The following PDSS2 variants were observed in gnomAD, a reference collection of about 807,000 sequenced individuals.
The protein encoded by PDSS2 is decaprenyl diphosphate synthase subunit 2, also known as all trans-polyprenyl-diphosphate synthase PDSS2.
In PDSS2, 31 loss-of-function variants were observed where a neutral mutation model predicts 44.5. That is an observed-to-expected ratio of 0.70 (90% CI 0.52 to 0.94). The LOEUF (loss-of-function observed/expected upper bound fraction) is 0.94. Among genes scored for constraint, PDSS2 ranks in the 40% least tolerant of loss-of-function variants. PDSS2 has a pLI of 0.00. For missense variants in PDSS2, 452 were observed against 482.2 expected (o/e 0.94, Z 0.59); for synonymous variants, 157 against 180.3 (o/e 0.87, Z 1.03).
intron 2 of PDSS2, among the ~76,000 whole-genome samples, chr6:107,323,186 AG>A (rs1290894120): frequency 6.6e-6 from 1 of 152,208 alleles, no homozygotes; most frequent in East Asian, 1.9e-4. Flanking sequence ...AAATAGCTCT[AG>A]TAGTTAAGTT....
At chr6:107,364,173 T>A (rs898473215) in intron 1 of PDSS2, among the ~76,000 whole-genome samples, 17 of 152,232 alleles carry the variant, frequency 1.1e-4, no homozygotes, top group African/African-American at 4.1e-4. Context: ...GGAGCCCAGC[T>A]GGCTTCACCT....
intron 1 of PDSS2, among the ~76,000 whole-genome samples, chr6:107,382,509 G>C (rs1379838241): frequency 6.6e-6 from 1 of 152,146 alleles, no homozygotes; most frequent in African/African-American, 2.4e-5. Context: ...CAGACAAACA[G>C]ATCAACAGAA....
chr6:107,213,024 A>G (rs1773280683), intron 4 of PDSS2, among the ~76,000 whole-genome samples: 1 of 151,654 alleles, frequency 6.6e-6, no homozygotes, highest in Non-Finnish European at 1.5e-5. Context: ...CCCTCTTTTT[A>G]TTTGAGACAG....
intron 7 of PDSS2, among the ~76,000 whole-genome samples, chr6:107,155,235 T>A (rs782390298): frequency 8.6e-5 from 13 of 150,648 alleles, no homozygotes; most frequent in Non-Finnish European, 1.6e-4. Flanking sequence ...AACCTCCGCC[T>A]CCTGGGTTTA....
intron 2 of PDSS2, among the ~76,000 whole-genome samples, chr6:107,297,057 T>C (rs1478661265): frequency 6.6e-6 from 1 of 152,090 alleles, no homozygotes; most frequent in East Asian, 1.9e-4. Context: ...ATGGTCTAGA[T>C]CTGGGAAGGG....
At chr6:107,201,356 A>G (rs1439233226) in intron 6 of PDSS2, among the ~76,000 whole-genome samples, 2 of 141,758 alleles carry the variant, frequency 1.4e-5, no homozygotes, top group Non-Finnish European at 3.1e-5. Context: ...GGACAGCTAT[A>G]GTGAACACTG....
At chr6:107,176,024 T>C (rs1180954686) in intron 7 of PDSS2, among the ~76,000 whole-genome samples, 1 of 151,982 alleles carries the variant, frequency 6.6e-6, no homozygotes, top group East Asian at 1.9e-4. Context: ...CCCAGGTTAT[T>C]TTCACTGCTT....
chr6:107,331,289 T>TA (rs1452180630), intron 2 of PDSS2, among the ~76,000 whole-genome samples: 2 of 152,142 alleles, frequency 1.3e-5, no homozygotes. Flanking sequence ...AACAAGTGTG[T>TA]AAAACACCCA....
At chr6:107,389,289 C>A (rs1779708787) in intron 1 of PDSS2, among the ~76,000 whole-genome samples, 1 of 151,962 alleles carries the variant, frequency 6.6e-6, no homozygotes, top group South Asian at 2.1e-4. Flanking sequence ...TGAAAAAGAA[C>A]CTAACTATTA....
intron 1 of PDSS2, among the ~76,000 whole-genome samples, chr6:107,390,545 G>A (rs933623612): frequency 6.6e-6 from 1 of 152,032 alleles, no homozygotes. Flanking sequence ...ATTGGATCCT[G>A]GAACAGAAAA....
chr6:107,458,879 T>C, intron 1 of PDSS2, 111 bp downstream of exon 1: 1 of 928,436 alleles, frequency 1.1e-6, no homozygotes. Flanking sequence ...AAGGAAGGAC[T>C]AAAAAGAGAT....
At chr6:107,367,920 G>C (rs1779009189) in intron 1 of PDSS2, among the ~76,000 whole-genome samples, 1 of 151,584 alleles carries the variant, frequency 6.6e-6, no homozygotes, top group Non-Finnish European at 1.5e-5. Flanking sequence ...AAAAATACTA[G>C]AATTAATACA....
At chr6:107,219,461 T>C (rs913132024) in intron 4 of PDSS2, among the ~76,000 whole-genome samples, 3 of 152,102 alleles carry the variant, frequency 2.0e-5, no homozygotes, top group Non-Finnish European at 4.4e-5. Flanking sequence ...CTAATTTTTG[T>C]ATTTTTAGTA....
chr6:107,436,000 A>G (rs950277061), intron 1 of PDSS2, among the ~76,000 whole-genome samples: 2 of 152,232 alleles, frequency 1.3e-5, no homozygotes, highest in Admixed American at 6.5e-5. Context: ...CAGGAAGAAA[A>G]GCAAATCCAG....
chr6:107,183,709 C>A (rs1043252890), intron 7 of PDSS2, among the ~76,000 whole-genome samples: 1 of 151,986 alleles, frequency 6.6e-6, no homozygotes, highest in Admixed American at 6.6e-5. Flanking sequence ...ACCAACCTGG[C>A]CAACATGGTG....
chr6:107,288,753 G>GTTTTTTT (rs35762837), intron 2 of PDSS2, among the ~76,000 whole-genome samples: 10 of 72,742 alleles, frequency 1.4e-4, no homozygotes, highest in Admixed American at 1.8e-4. Flanking sequence ...GGACGAAATT[G>GTTTTTTT]TTTTTTTTTT....
At chr6:107,266,419 G>A in intron 3 of PDSS2, among the ~76,000 whole-genome samples, 1 of 149,614 alleles carries the variant, frequency 6.7e-6, no homozygotes. Context: ...TGACCTGGTA[G>A]AGCCTTCAAT....
chr6:107,216,391 C>A (rs368431714), intron 4 of PDSS2, among the ~76,000 whole-genome samples: 1 of 150,742 alleles, frequency 6.6e-6, no homozygotes, highest in Non-Finnish European at 1.5e-5. Context: ...GAGGATCACT[C>A]GAACCAGGGA....
chr6:107,286,684 A>G (rs895942778), intron 2 of PDSS2, among the ~76,000 whole-genome samples: 1 of 152,138 alleles, frequency 6.6e-6, no homozygotes, highest in Non-Finnish European at 1.5e-5. Flanking sequence ...AGGTACAAAG[A>G]GGTAATTCCA....
Sources: allele counts gnomAD v4.1 joint callset (sites outside exome capture counted in the v4.1 genomes callset), GRCh38; gene constraint gnomAD v4.1.1; transcripts MANE v1.5; gene names NCBI Gene and HGNC (gene_info 2026-07-23, HGNC 2026-07-21).